Variants in PCDHGA8 observed in about 807,000 individuals in gnomAD.
PCDHGA8 encodes protocadherin gamma-A8.
Under a neutral mutation model 59.2 loss-of-function variants are expected in PCDHGA8, and 45 were observed. The ratio of observed to expected loss-of-function variants is 0.76; its 90% CI spans 0.60 to 0.98. The LOEUF is 0.98. Ranked by LOEUF, PCDHGA8 falls within the 50% of genes least tolerant of loss-of-function variation. PCDHGA8 has a pLI of 0.00. For synonymous variants in PCDHGA8, 531 were observed against 519.0 expected (o/e 1.02, Z -0.32); for missense variants, 1,257 against 1,196.2 (o/e 1.05, Z -0.75).
At chr5:141,400,668 G>A in intron 1 of PCDHGA8, 3 of 970,702 alleles carry the variant, frequency 3.1e-6, no homozygotes, top group Non-Finnish European at 4.6e-6. Context: ...TCTTTAAGAG[G>A]AGCAGTAAAT....
chr5:141,433,643 C>A (rs899772934), intron 1 of PCDHGA8, among the ~76,000 whole-genome samples: 13 of 152,070 alleles, frequency 8.5e-5, no homozygotes, highest in African/African-American at 2.7e-4. Context: ...TGAGACCAGC[C>A]TGACCAACAT....
intron 1 of PCDHGA8, among the ~76,000 whole-genome samples, chr5:141,451,724 A>G (rs2098722682): frequency 6.6e-6 from 1 of 152,170 alleles, no homozygotes; most frequent in Non-Finnish European, 1.5e-5. Context: ...TCTACTAAAA[A>G]TACAAAAATT....
intron 1 of PCDHGA8, among the ~76,000 whole-genome samples, chr5:141,406,024 G>A (rs2094747494): frequency 6.6e-6 from 1 of 151,462 alleles, no homozygotes; most frequent in Admixed American, 6.6e-5. Flanking sequence ...TTTTTGGGTA[G>A]GGTTGCTTCA....
rs775449711 is a variant in PCDHGA8, at chr5:141,393,074, G to A, written c.261G>A (p.Ala87=). The part of the protein sequence containing the change: ...LNPRSGSLIT[A]GRIDREELCA... ...CGCGCAGCGGCAGCTTGATCACCGC[G>A]GGCAGGATAGATCGGGAGGAGCTCT... The change falls in exon 1 of 4, where the codon GCG becomes GCA. Residue 87 remains alanine, a synonymous_variant. Transcript: ENST00000398604. 3.7e-6 allele frequency: 6 copies of A among 1,613,710 alleles called. No individual in the cohort carries two copies. The highest frequency in any genetic ancestry group is 5.1e-6 in the Non-Finnish European group (6 of 1,179,908).
chr5:141,464,138 G>A (rs62379197), intron 1 of PCDHGA8, among the ~76,000 whole-genome samples: 42,814 of 151,688 alleles, frequency 0.28, 6,814 homozygotes, highest in African/African-American at 0.44. Context: ...GGTGGTGGGC[G>A]CCTGTAGTCC....
At chr5:141,451,892 A>C (rs1215224398) in intron 1 of PCDHGA8, among the ~76,000 whole-genome samples, 2 of 152,114 alleles carry the variant, frequency 1.3e-5, no homozygotes, top group Non-Finnish European at 2.9e-5. Context: ...AAAGAAAGGA[A>C]GGAACAAGGG....
chr5:141,425,843 G>A (rs2096898027), intron 1 of PCDHGA8, among the ~76,000 whole-genome samples: 1 of 152,118 alleles, frequency 6.6e-6, no homozygotes, highest in African/African-American at 2.4e-5. Flanking sequence ...TCTCTTTGCT[G>A]GGTTAATGAC....
intron 1 of PCDHGA8, among the ~76,000 whole-genome samples, chr5:141,406,263 TC>T (rs1163660392): frequency 3.9e-5 from 6 of 151,964 alleles, no homozygotes; most frequent in Non-Finnish European, 8.8e-5. Flanking sequence ...CAAACGATCT[TC>T]CTGCTTCAGT....
intron 1 of PCDHGA8, chr5:141,423,607 A>T (rs777606404): frequency 6.2e-7 from 1 of 1,612,176 alleles, no homozygotes; most frequent in Admixed American, 1.7e-5. Flanking sequence ...GCCACTCTTG[A>T]TAGCTGAAGA....
At chr5:141,434,691 A>G (rs1263712056) in intron 1 of PCDHGA8, among the ~76,000 whole-genome samples, 2 of 152,150 alleles carry the variant, frequency 1.3e-5, no homozygotes. Flanking sequence ...GCTTGCTGTT[A>G]ATAAATATGT....
In PCDHGA8 at chr5:141,511,033, C is replaced by T. The variant is rs1185153127; in HGVS notation, c.2659C>T (p.His887Tyr). 6.2e-7 allele frequency: 1 copy of T among 1,614,202 alleles called. No individual in the cohort carries two copies. The highest frequency in any genetic ancestry group is 1.7e-5 in the Admixed American group (1 of 60,032). ...CTACGGACCCCAGTTCACCCTGCAG[C>T]ACGTGCCCGACTACCGCCAGAATGT... ...ARYGPQFTLQ[H>Y]VPDYRQNVYI... Residue 887 changes from histidine to tyrosine, a missense_variant, in exon 4 of 4, where the codon CAC becomes TAC. His to Tyr is a moderately conservative substitution (Grantham distance 83). Coordinates refer to ENST00000398604, the MANE Select transcript of PCDHGA8 (RefSeq NM_032088.2).
chr5:141,399,627 CG>C (rs2093851448), intron 1 of PCDHGA8: 1 of 1,613,906 alleles, frequency 6.2e-7, no homozygotes, highest in Non-Finnish European at 8.5e-7. Context: ...TGGCCTCTTA[CG>C]TGTCCATGAG....
intron 3 of PCDHGA8, among the ~76,000 whole-genome samples, chr5:141,509,745 T>C (rs1456852988): frequency 6.6e-6 from 1 of 152,186 alleles, no homozygotes; most frequent in East Asian, 1.9e-4. Context: ...TCTGAGCCTG[T>C]GCCTAAAGTG....
At chr5:141,395,586 G>C (rs1222744910) in intron 1 of PCDHGA8, 1 of 169,736 alleles carries the variant, frequency 5.9e-6, no homozygotes, top group African/African-American at 2.8e-5. Context: ...GTGTGTGTGT[G>C]TGTGTATCCC....
In PCDHGA8 at chr5:141,489,750, C is replaced by A. The variant is rs753217170; in HGVS notation, c.2425-5057C>A. 1 of 1,614,098 alleles carries A rather than the reference C, an allele frequency of 6.2e-7. No individual in the cohort carries two copies. The highest frequency in any genetic ancestry group is 1.1e-5 in the South Asian group (1 of 91,080). Reference sequence around the variant, plus strand: ...TGGGCACCAATACTGTGAGCTTTTACACTCTAAGCCCCAACAGCCACTTCT... The same window carrying A: ...TGGGCACCAATACTGTGAGCTTTTAAACTCTAAGCCCCAACAGCCACTTCT... On this transcript the variant is annotated intron_variant, in intron 1 of 3. Coordinates refer to ENST00000398604, the MANE Select transcript of PCDHGA8 (RefSeq NM_032088.2). This position sits in a 1 kb window ranked among gnomAD's most constrained non-coding sequence, Gnocchi z 4.5.
At chr5:141,421,889 C>T (rs1280668349) in intron 1 of PCDHGA8, 5 of 1,613,574 alleles carry the variant, frequency 3.1e-6, no homozygotes, top group African/African-American at 1.3e-5. Flanking sequence ...GGAGGCGATC[C>T]CATCCGAAAG....
rs567522277 is a variant in PCDHGA8, at chr5:141,485,131, A to G, written c.2425-9676A>G. 1.3e-6 allele frequency: 2 copies of G among 1,482,660 alleles called. No individual in the cohort carries two copies. The highest frequency in any genetic ancestry group is 1.2e-5 in the South Asian group (1 of 83,730). 91.8% of individuals were successfully genotyped at this position (1,482,660 alleles called of 1,614,324 possible). ...TGGCTGTTTGGGGCGGGTCGGCTTC[A>G]TCCGCGTCTCAGGAGCAAGTAGAGA... On this transcript the variant is annotated intron_variant, in intron 1 of 3. Transcript: ENST00000398604. The surrounding 1 kb of genome is among the most constrained non-coding windows in gnomAD (Gnocchi z 5.7).
intron 1 of PCDHGA8, chr5:141,421,202 C>A: frequency 1.3e-6 from 2 of 1,519,344 alleles, no homozygotes; most frequent in Non-Finnish European, 1.8e-6. Flanking sequence ...CTCGAGAAAC[C>A]GCGGAATATC....
intron 1 of PCDHGA8, among the ~76,000 whole-genome samples, chr5:141,436,199 A>G (rs576607542): frequency 7.2e-5 from 11 of 152,282 alleles, no homozygotes; most frequent in East Asian, 5.8e-4. Context: ...AAAGAAAGAC[A>G]TAATAGGAAA....
Sources: allele counts gnomAD v4.1 joint callset (sites outside exome capture counted in the v4.1 genomes callset), GRCh38; gene constraint gnomAD v4.1.1; non-coding constraint Gnocchi (gnomAD v3.1); transcripts MANE v1.5; gene names NCBI Gene and HGNC (gene_info 2026-07-23, HGNC 2026-07-21).